PCDH9: variants seen among roughly 807,000 people sequenced by gnomAD.
PCDH9 encodes protocadherin-9.
In PCDH9, 24 loss-of-function variants were observed where a neutral mutation model predicts 70.6. That is an observed-to-expected ratio of 0.34 (90% CI 0.25 to 0.48). The LOEUF (loss-of-function observed/expected upper bound fraction) is 0.48, where lower values mean the gene tolerates loss of function less well. PCDH9 is among the 20% of genes least tolerant of loss of function. The pLI, the probability that PCDH9 is intolerant of heterozygous loss-of-function variation, is 0.99. For synonymous variants in PCDH9, 562 were observed against 558.5 expected (o/e 1.01, Z -0.09); for missense variants, 1,281 against 1,503.6 (o/e 0.85, Z 2.45).
chr13:66,712,145 T>G (rs1356959611), intron 3 of PCDH9, among the ~76,000 whole-genome samples: 1 of 152,220 alleles, frequency 6.6e-6, no homozygotes, highest in Non-Finnish European at 1.5e-5. Flanking sequence ...GTTGAACTTC[T>G]GAACAAATTT....
At chr13:66,488,101 C>T (rs1366676384) in intron 4 of PCDH9, among the ~76,000 whole-genome samples, 1 of 152,142 alleles carries the variant, frequency 6.6e-6, no homozygotes, top group Admixed American at 6.6e-5. Flanking sequence ...TGTTTTAAAA[C>T]CACTGAGATT....
At chr13:66,671,312 T>C (rs2078172688) in intron 3 of PCDH9, among the ~76,000 whole-genome samples, 1 of 152,050 alleles carries the variant, frequency 6.6e-6, no homozygotes, top group Non-Finnish European at 1.5e-5. Flanking sequence ...TTTGGTAGAG[T>C]GGGGTACTGC....
chr13:66,999,794 C>T (rs1381590413), intron 2 of PCDH9, among the ~76,000 whole-genome samples: 65 of 152,284 alleles, frequency 4.3e-4, no homozygotes, highest in Non-Finnish European at 7.2e-4. Context: ...TACCATCTCA[C>T]ACCAGTTAGA....
chr13:66,777,980 T>G (rs909005828), intron 3 of PCDH9, among the ~76,000 whole-genome samples: 1 of 151,808 alleles, frequency 6.6e-6, no homozygotes, highest in African/African-American at 2.4e-5. Context: ...ATGTCCTTTG[T>G]AGGGACATGG....
intron 3 of PCDH9, among the ~76,000 whole-genome samples, chr13:66,685,662 G>A (rs2078390857): frequency 6.6e-6 from 1 of 152,196 alleles, no homozygotes. Flanking sequence ...CTTAATGCAA[G>A]CATATAAATG....
At chr13:67,171,831 T>C (rs1381239884) in intron 2 of PCDH9, among the ~76,000 whole-genome samples, 3 of 152,192 alleles carry the variant, frequency 2.0e-5, no homozygotes, top group Non-Finnish European at 4.4e-5. Context: ...AAATGACCTA[T>C]GCAAAGTTCC....
chr13:66,697,474 G>T (rs1412982973), intron 3 of PCDH9, among the ~76,000 whole-genome samples: 1 of 151,932 alleles, frequency 6.6e-6, no homozygotes, highest in Non-Finnish European at 1.5e-5. Flanking sequence ...ATATTTCCCT[G>T]GGAATATTTG....
chr13:66,352,892 C>A (rs1004043361), intron 4 of PCDH9, among the ~76,000 whole-genome samples: 3 of 152,092 alleles, frequency 2.0e-5, no homozygotes, highest in African/African-American at 7.2e-5. Flanking sequence ...AGAAAAGCAC[C>A]ACAGCACTGT....
chr13:66,590,404 T>C (rs1416930121), intron 4 of PCDH9, among the ~76,000 whole-genome samples: 1 of 151,842 alleles, frequency 6.6e-6, no homozygotes, highest in Admixed American at 6.6e-5. Context: ...ATAATAAACA[T>C]GAGACAAAGT....
At chr13:66,779,866 T>TATATATATATATATAC (rs1336725254) in intron 3 of PCDH9, among the ~76,000 whole-genome samples, 41 of 71,712 alleles carry the variant, frequency 5.7e-4, no homozygotes, top group African/African-American at 1.8e-3. Context: ...TATATATATA[T>TATATATATATATATAC]ACATATATGT....
intron 4 of PCDH9, among the ~76,000 whole-genome samples, chr13:66,550,250 C>T (rs1593660640): frequency 6.6e-6 from 1 of 152,030 alleles, no homozygotes; most frequent in East Asian, 1.9e-4. Flanking sequence ...AATAGAATAT[C>T]ACAGAAAGTT....
intron 4 of PCDH9, chr13:66,306,249 G>A (rs1344128385): frequency 6.6e-6 from 1 of 151,640 alleles, no homozygotes; most frequent in Non-Finnish European, 1.5e-5. Flanking sequence ...ACCAAAGTTA[G>A]CACAACTAAT....
chr13:66,374,517 A>C (rs1956716145), intron 4 of PCDH9, among the ~76,000 whole-genome samples: 1 of 152,018 alleles, frequency 6.6e-6, no homozygotes, highest in Non-Finnish European at 1.5e-5. Context: ...ACGTTATTTA[A>C]TTTAATTTAA....
chr13:67,181,672 G>C (rs1403432191), intron 2 of PCDH9, among the ~76,000 whole-genome samples: 1 of 152,090 alleles, frequency 6.6e-6, no homozygotes, highest in African/African-American at 2.4e-5. Context: ...AGCAAAGTAA[G>C]TGAATCTTGG....
At chr13:66,984,606 T>G (rs2083850719) in intron 2 of PCDH9, among the ~76,000 whole-genome samples, 1 of 152,098 alleles carries the variant, frequency 6.6e-6, no homozygotes, top group African/African-American at 2.4e-5. Context: ...TTTTTAAGAT[T>G]CTAATGCTAA....
chr13:66,810,768 A>C (rs1205151541), intron 3 of PCDH9, among the ~76,000 whole-genome samples: 1 of 151,872 alleles, frequency 6.6e-6, no homozygotes, highest in Non-Finnish European at 1.5e-5. Context: ...AGTAACAACT[A>C]TAATTTTGGT....
chr13:67,185,866 G>A (rs1452241651), intron 2 of PCDH9, among the ~76,000 whole-genome samples: 1 of 152,126 alleles, frequency 6.6e-6, no homozygotes, highest in Admixed American at 6.5e-5. Flanking sequence ...CCAAGTAGCT[G>A]GGATTACAGG....
chr13:67,168,513 G>T (rs80125588), intron 2 of PCDH9, among the ~76,000 whole-genome samples: 9,502 of 152,114 alleles, frequency 0.062, 437 homozygotes, highest in African/African-American at 0.11. Flanking sequence ...AATTGCTTGA[G>T]CCCAGGAGTT....
intron 4 of PCDH9, among the ~76,000 whole-genome samples, chr13:66,525,216 T>C (rs2138619239): frequency 6.6e-6 from 1 of 152,214 alleles, no homozygotes; most frequent in East Asian, 1.9e-4. Flanking sequence ...CAACAGCGTC[T>C]CTCCAACTCT....
Sources: allele counts gnomAD v4.1 joint callset (sites outside exome capture counted in the v4.1 genomes callset), GRCh38; gene constraint gnomAD v4.1.1; transcripts MANE v1.5; gene names NCBI Gene and HGNC (gene_info 2026-07-23, HGNC 2026-07-21).